The following TMEM168 variants were observed in gnomAD, a reference collection of about 807,000 sequenced individuals.
TMEM168 encodes transmembrane protein 168.
TMEM168 carries 40 observed loss-of-function variants against 53.2 expected under a neutral mutation model. The observed-to-expected ratio is 0.75, with a 90% CI of 0.58 to 0.98. The LOEUF is 0.98. TMEM168 is among the 50% of genes least tolerant of loss of function. The pLI is 0.00. For missense variants in TMEM168, 771 were observed against 828.8 expected (o/e 0.93, Z 0.86); for synonymous variants, 282 against 293.0 (o/e 0.96, Z 0.38).
rs59432318 is a variant in TMEM168 at position 112,765,634 on chromosome 7, T to G, written c.*1563A>C. The G allele has an allele frequency of 2.2e-4, 33 of 152,360 alleles. No individual in the cohort carries two copies. The highest frequency in any genetic ancestry group is 7.7e-4 in the African/African-American group (32 of 41,582). The allele number at this position is 152,360 out of a possible 1,614,324, so 9.4% of individuals were successfully genotyped here. ...TAAATCCTTAACCTATAATGGAAAC[T>G]TCCAAACATGAACTCTAAAACATGG... is the stretch of plus-strand genomic sequence containing the variant. On this transcript the variant is annotated 3_prime_UTR_variant, in exon 5 of 5. Transcript: ENST00000312814.
chr7:112,767,342 A>G lies in TMEM168; in HGVS notation c.1949T>C (p.Leu650Pro). ...GCATAACCAATTTGCCAAATGCACT[A>G]GGGGATATGTAATACGAGGAAAGTG... ...MLHFPRITYP[L>P]VHLANWLCGL... The change falls in exon 5 of 5, where the codon CTA becomes CCA. Residue 650 changes from leucine (L) to proline (P), a missense_variant. Transcript: ENST00000312814. 1 of 1,614,192 alleles carries G rather than the reference A, an allele frequency of 6.2e-7. No homozygotes were observed.
intron 4 of TMEM168, among the ~76,000 whole-genome samples, chr7:112,771,267 G>A (rs983548711): frequency 6.6e-6 from 1 of 152,058 alleles, no homozygotes; most frequent in Non-Finnish European, 1.5e-5. Context: ...TATCATCATG[G>A]CTTTCACCCT....
Position 112,787,585 on chromosome 7 carries a change from T to G in TMEM168, c.-129+2575A>C, listed in dbSNP as rs187173592. On this transcript the variant is annotated intron_variant, in intron 1 of 4. Transcript: ENST00000312814. Reference sequence around the variant, plus strand: ...GCCCATCGCCATGCCCAGTTAATTTTTGTATTTTTAGTAGAGACGGGGTTT... The same window carrying G: ...GCCCATCGCCATGCCCAGTTAATTTGTGTATTTTTAGTAGAGACGGGGTTT... 5.3e-3 allele frequency among the ~76,000 whole-genome samples: 802 copies of G among 152,098 alleles called. 3 individuals are homozygous for G. Among genetic ancestry groups the G allele is most frequent in the African/African-American group, 0.018 (741 of 41,470 alleles).
chr7:112,775,111 C>T, intron 3 of TMEM168, 65 bp downstream of exon 3: 5 of 1,310,118 alleles, frequency 3.8e-6, no homozygotes, highest in East Asian at 5.4e-5. Context: ...ATATTTTATT[C>T]ATATAAATAT....
At chr7:112,775,614 A>C (rs1000690226) in intron 2 of TMEM168, among the ~76,000 whole-genome samples, 4 of 151,208 alleles carry the variant, frequency 2.6e-5, no homozygotes, top group African/African-American at 9.8e-5. Flanking sequence ...AAAAAAAAAA[A>C]CAAAACAAAC....
At chr7:112,782,930 T>G (rs1009163621) in intron 2 of TMEM168, among the ~76,000 whole-genome samples, 1 of 152,186 alleles carries the variant, frequency 6.6e-6, no homozygotes, top group African/African-American at 2.4e-5. Context: ...AGCCTCTTCC[T>G]CCTCCCATTG....
intron 1 of TMEM168, among the ~76,000 whole-genome samples, chr7:112,789,243 C>T (rs1414120202): frequency 6.6e-6 from 1 of 152,058 alleles, no homozygotes; most frequent in African/African-American, 2.4e-5. Context: ...GCCCCCTCCC[C>T]ATTACATGAC....
Position 112,784,756 on chromosome 7 carries a change from T to G in TMEM168, c.70A>C (p.Asn24His). ...YLAMTRLEEVNREVNMHSSVR... is the reference protein window; with the variant it reads ...YLAMTRLEEVHREVNMHSSVR... ...GAAGAATGCATGTTCACTTCTCTAT[T>G]TACTTCTTCCAGTCTTGTCATTGCT... Residue 24 changes from asparagine (N) to histidine (H), a missense_variant, in exon 2 of 5, where the codon AAT becomes CAT. Physicochemically the swap from Asn to His is moderately conservative, Grantham distance 68. Transcript: ENST00000312814. The G allele has an allele frequency of 1.9e-6, 3 of 1,611,802 alleles. No individual in the cohort carries two copies. The highest frequency in any genetic ancestry group is 2.5e-6 in the Non-Finnish European group (3 of 1,179,534).
rs902051708 is a variant in TMEM168, at chr7:112,765,906, T to G, written c.*1291A>C. ...ACCAGGTAGAAAATGGTGGAGGCAT[T>G]ATTTCCTCTTTCTGAGGCTATAAAA... On this transcript the variant is annotated 3_prime_UTR_variant, in exon 5 of 5. Coordinates refer to ENST00000312814, the MANE Select transcript of TMEM168 (RefSeq NM_022484.6). The G allele has an allele frequency of 1.4e-5, 2 of 141,970 alleles. No homozygotes were observed. Among genetic ancestry groups the G allele is most frequent in the Admixed American group, 1.4e-4 (2 of 14,642 alleles). The allele number at this position is 141,970 out of a possible 1,614,324, so 8.8% of individuals were successfully genotyped here.
At chr7:112,772,728 C>A (rs2116241205) in intron 4 of TMEM168, 53 bp downstream of exon 4, 1 of 1,562,248 alleles carries the variant, frequency 6.4e-7, no homozygotes, top group East Asian at 2.3e-5. Context: ...GTACAGATTT[C>A]TACATATACA....
In TMEM168 at chr7:112,766,899, A is replaced by G. The variant is rs1030326682; in HGVS notation, c.*298T>C. 9.3e-6 allele frequency: 3 copies of G among 322,570 alleles called. No homozygotes were observed. In the South Asian group the frequency reaches 1.6e-4, roughly 17 times the overall value. The allele number at this position is 322,570 out of a possible 1,614,324, so 20.0% of individuals were successfully genotyped here. A position where few individuals can be genotyped will look rare whatever the true frequency, so the allele number is the denominator to read the frequency against. ...AATTCATCATTGACCATTGCAGAGC[A>G]TAGACAACTGTTTCTTTCTAATCAG... On this transcript the variant is annotated 3_prime_UTR_variant, in exon 5 of 5. Coordinates refer to ENST00000312814, the MANE Select transcript of TMEM168 (RefSeq NM_022484.6).
At chr7:112,790,139 C>A (rs960602250) in intron 1 of TMEM168, 21 bp downstream of exon 1, 2 of 152,610 alleles carry the variant, frequency 1.3e-5, no homozygotes, top group Non-Finnish European at 2.9e-5. Context: ...GCCGCCCTGC[C>A]GTCCACCCAT....
Position 112,783,697 on chromosome 7 carries a change from C to T in TMEM168, c.1128+1G>A. ...GGTTGCTGGACAAACAATAAGCTTACCTGCCAGGAAACTGCTCCCAAAATC... is the reference window on the plus strand; with the variant it reads ...GGTTGCTGGACAAACAATAAGCTTATCTGCCAGGAAACTGCTCCCAAAATC... On this transcript the variant is annotated splice_donor_variant, in intron 2 of 4. Coordinates refer to ENST00000312814, the MANE Select transcript of TMEM168 (RefSeq NM_022484.6). LOFTEE classifies it high-confidence loss of function. 2.0e-6 allele frequency: 3 copies of T among 1,483,414 alleles called. No homozygotes were observed. The highest frequency in any genetic ancestry group is 8.9e-7 in the Non-Finnish European group (1 of 1,118,446). The allele number at this position is 1,483,414 out of a possible 1,614,324, so 91.9% of individuals were successfully genotyped here.
intron 4 of TMEM168, among the ~76,000 whole-genome samples, chr7:112,769,105 G>A (rs1183504793): frequency 6.6e-6 from 1 of 152,016 alleles, no homozygotes; most frequent in Non-Finnish European, 1.5e-5. Flanking sequence ...TGTCCTCTTG[G>A]TTTCACCATT....
chr7:112,767,705 C>T lies in TMEM168; in HGVS notation c.1586G>A (p.Trp529Ter). Residue 529 changes from tryptophan to a stop codon, truncating the protein, a stop_gained, in exon 5 of 5, where the codon TGG becomes TAG. Coordinates refer to ENST00000312814, the MANE Select transcript of TMEM168 (RefSeq NM_022484.6). LOFTEE classifies it high-confidence loss of function. ...ACAAAAGGAACCATTCTTTTCTCTCCACCATTCTATAAGTGTGTCAAGGCG... is the reference window on the plus strand; with the variant it reads ...ACAAAAGGAACCATTCTTTTCTCTCTACCATTCTATAAGTGTGTCAAGGCG... The part of the protein sequence containing the change: ...TLRLDTLIEW[W>*]REKNGSFCSR... 3 of 1,613,526 alleles carry T rather than the reference C, an allele frequency of 1.9e-6. No individual in the cohort carries two copies. The highest frequency in any genetic ancestry group is 2.5e-6 in the Non-Finnish European group (3 of 1,179,868).
rs1445286491 is a variant in TMEM168 at position 112,764,273 on chromosome 7, C to G, written c.*2924G>C. On this transcript the variant is annotated 3_prime_UTR_variant, in exon 5 of 5. Transcript: ENST00000312814. ...AAGGTATCACATGAGGAAACAAATA[C>G]TAAACAAAGTTATGTTGAAAAAATC... The G allele has an allele frequency of 2.6e-5, 4 of 151,720 alleles. No individual in the cohort carries two copies. The highest frequency in any genetic ancestry group is 5.9e-5 in the Non-Finnish European group (4 of 67,926). 9.4% of individuals were successfully genotyped at this position (151,720 alleles called of 1,614,324 possible).
At chr7:112,778,162 T>C (rs1793140036) in intron 2 of TMEM168, 1 of 152,216 alleles carries the variant, frequency 6.6e-6, no homozygotes, top group Admixed American at 6.5e-5. Context: ...GAGAGGGCTA[T>C]AACACACATG....
In TMEM168 at chr7:112,765,016, A is replaced by C. The variant is rs1342313677; in HGVS notation, c.*2181T>G. On this transcript the variant is annotated 3_prime_UTR_variant, in exon 5 of 5. Transcript: ENST00000312814. ...TTTTTAGTAGCGATGAGGTTTCCCC[A>C]TGTTGGCCAGGCTGGTCTCAAACTC... 6.6e-6 allele frequency: 1 copy of C among 151,776 alleles called. No individual in the cohort carries two copies. The highest frequency in any genetic ancestry group is 1.5e-5 in the Non-Finnish European group (1 of 68,024). The allele number at this position is 151,776 out of a possible 1,614,324, so 9.4% of individuals were successfully genotyped here.
chr7:112,773,734 G>GA lies in TMEM168; in HGVS notation c.1272-680dup, dbSNP rs569026606. ...GCAAAATACCATTAATATTGAGAAAGAAAAAATCATCATTCCTATCCAGAA... is the reference window on the plus strand; with the variant it reads ...GCAAAATACCATTAATATTGAGAAAGAAAAAAATCATCATTCCTATCCAGAA... On this transcript the variant is annotated intron_variant, in intron 3 of 4. Transcript: ENST00000312814. Among the ~76,000 whole-genome samples the GA allele has an allele frequency of 3.0e-4, 46 of 152,068 alleles. No individual in the cohort carries two copies. In the Middle Eastern group the frequency reaches 0.014, roughly 45 times the overall value.
Sources: gnomAD v4.1 joint callset for allele counts (sites outside exome capture counted in the v4.1 genomes callset) on GRCh38, gnomAD v4.1.1 for gene constraint, MANE v1.5 for transcripts, NCBI Gene and HGNC (gene_info 2026-07-23, HGNC 2026-07-21) for gene names.